SPOCK1: variants seen among roughly 807,000 people sequenced by gnomAD.
The protein encoded by SPOCK1 is testican-1.
A neutral mutation model predicts 55.3 loss-of-function variants in SPOCK1; 23 were observed. The ratio of observed to expected loss-of-function variants is 0.42; its 90% CI spans 0.30 to 0.59. The LOEUF (loss-of-function observed/expected upper bound fraction) is 0.59, where lower values mean the gene tolerates loss of function less well. Ranked by LOEUF, SPOCK1 falls within the 20% of genes least tolerant of loss-of-function variation. The pLI is 0.22. For synonymous variants in SPOCK1, 226 were observed against 221.0 expected, an observed-to-expected ratio of 1.02 and a Z score of -0.20; for missense variants, 499 against 552.5, an observed-to-expected ratio of 0.90 and a Z score of 0.97.
intron 4 of SPOCK1, among the ~76,000 whole-genome samples, chr5:137,138,442 G>T (rs973780398): frequency 2.0e-5 from 3 of 151,170 alleles, no homozygotes; most frequent in Admixed American, 6.6e-5. Context: ...TTCCAGAAAG[G>T]GCTATATCCT....
intron 2 of SPOCK1, among the ~76,000 whole-genome samples, chr5:137,416,615 G>A (rs1239957900): frequency 2.0e-5 from 3 of 152,086 alleles, no homozygotes; most frequent in African/African-American, 7.2e-5. Flanking sequence ...AAGATACAGT[G>A]GAGGATGTAA....
chr5:137,068,557 A>C (rs1195738011), intron 5 of SPOCK1, among the ~76,000 whole-genome samples: 1 of 152,196 alleles, frequency 6.6e-6, no homozygotes, highest in Non-Finnish European at 1.5e-5. Context: ...TTTACTCTAA[A>C]GTCTCAATGA....
intron 6 of SPOCK1, among the ~76,000 whole-genome samples, chr5:137,006,922 G>C (rs545247219): frequency 6.6e-6 from 1 of 152,216 alleles, no homozygotes; most frequent in East Asian, 1.9e-4. Context: ...GTTGAATTTT[G>C]CCGAAGGCCT....
At chr5:137,368,828 G>A (rs1003888279) in intron 2 of SPOCK1, among the ~76,000 whole-genome samples, 5 of 152,116 alleles carry the variant, frequency 3.3e-5, no homozygotes, top group Non-Finnish European at 5.9e-5. Flanking sequence ...CATGTGGTCC[G>A]CTCCCTTATT....
intron 2 of SPOCK1, among the ~76,000 whole-genome samples, chr5:137,331,950 T>C (rs1192405447): frequency 6.6e-6 from 1 of 152,150 alleles, no homozygotes; most frequent in Admixed American, 6.5e-5. Flanking sequence ...CTTGTTGAAA[T>C]AGAGCCATTA....
At chr5:137,131,971 C>CAAAAAAAAAAA (rs1156253291) in intron 4 of SPOCK1, among the ~76,000 whole-genome samples, 3 of 12,728 alleles carry the variant, frequency 2.4e-4, no homozygotes, top group East Asian at 1.6e-3. Flanking sequence ...GACTCCGTCT[C>CAAAAAAAAAAA]AAAAAAAAAA....
At position 137,406,699 on chromosome 5, in the gene SPOCK1, G is replaced by A. The variant is rs140282351; in HGVS notation, c.186+91674C>T. ...CCCTCAGAGGGAGGTTCTATGGATA[G>A]CTCTAGTTAGGGGCCAAGAACACAC... On this transcript the variant is annotated intron_variant, in intron 2 of 10. Transcript: ENST00000394945. Among the ~76,000 whole-genome samples the A allele has an allele frequency of 4.6e-3, 705 of 152,268 alleles. 3 individuals are homozygous for A. Among genetic ancestry groups the A allele is most frequent in the South Asian group, 0.02 (96 of 4,820 alleles).
intron 2 of SPOCK1, among the ~76,000 whole-genome samples, chr5:137,416,998 T>G (rs1043330875): frequency 6.6e-6 from 1 of 152,178 alleles, no homozygotes; most frequent in Non-Finnish European, 1.5e-5. Flanking sequence ...TGTGAAGTTG[T>G]AATATTTCTT....
chr5:137,198,917 C>T (rs1340949777), intron 3 of SPOCK1, among the ~76,000 whole-genome samples: 1 of 152,178 alleles, frequency 6.6e-6, no homozygotes, highest in African/African-American at 2.4e-5. Flanking sequence ...TGGAATGCTA[C>T]GTTAAAGCAT....
intron 2 of SPOCK1, among the ~76,000 whole-genome samples, chr5:137,422,824 G>T (rs998219696): frequency 6.6e-6 from 1 of 152,188 alleles, no homozygotes; most frequent in Non-Finnish European, 1.5e-5. Context: ...TCTGTTGCTG[G>T]TGAGGAGCTG....
intron 2 of SPOCK1, among the ~76,000 whole-genome samples, chr5:137,367,972 C>A (rs903883086): frequency 6.6e-6 from 1 of 152,234 alleles, no homozygotes; most frequent in East Asian, 1.9e-4. Context: ...GCTCTCCACA[C>A]CAGGCTTCCT....
chr5:137,018,328 A>G (rs1007967416), intron 6 of SPOCK1, among the ~76,000 whole-genome samples: 3 of 152,222 alleles, frequency 2.0e-5, no homozygotes, highest in African/African-American at 7.2e-5. Context: ...AAGTGGACAC[A>G]GGTCTAAACC....
chr5:137,161,857 T>G (rs1754563972), intron 3 of SPOCK1, among the ~76,000 whole-genome samples: 1 of 152,184 alleles, frequency 6.6e-6, no homozygotes. Flanking sequence ...AGCTATCCAA[T>G]TTCCATTACG....
At chr5:137,142,408 T>C (rs1330359112) in intron 3 of SPOCK1, among the ~76,000 whole-genome samples, 1 of 152,126 alleles carries the variant, frequency 6.6e-6, no homozygotes, top group Admixed American at 6.5e-5. Flanking sequence ...CCAAAAGCAT[T>C]TCTGCTACTT....
chr5:137,038,008 C>T (rs923591575), intron 6 of SPOCK1, among the ~76,000 whole-genome samples: 2 of 152,192 alleles, frequency 1.3e-5, no homozygotes, highest in South Asian at 2.1e-4. Context: ...GACCTTTCTA[C>T]CTAACTGCAA....
intron 6 of SPOCK1, among the ~76,000 whole-genome samples, chr5:137,017,704 T>C (rs1751474498): frequency 6.6e-6 from 1 of 152,126 alleles, no homozygotes; most frequent in African/African-American, 2.4e-5. Flanking sequence ...TCATTGTAAG[T>C]TTTACAGGGA....
intron 2 of SPOCK1, among the ~76,000 whole-genome samples, chr5:137,301,939 C>T (rs1234868930): frequency 1.3e-5 from 2 of 152,092 alleles, no homozygotes; most frequent in Non-Finnish European, 2.9e-5. Context: ...TGACTGACAT[C>T]CACGAGCCCA....
At chr5:137,452,545 AT>A (rs1753276658) in intron 2 of SPOCK1, among the ~76,000 whole-genome samples, 1 of 152,226 alleles carries the variant, frequency 6.6e-6, no homozygotes, top group African/African-American at 2.4e-5. Context: ...CATCTTTTTA[AT>A]TTGAATGTGT....
chr5:137,197,679 T>C (rs577989785), intron 3 of SPOCK1, among the ~76,000 whole-genome samples: 1 of 152,320 alleles, frequency 6.6e-6, no homozygotes, highest in African/African-American at 2.4e-5. Context: ...ACATTTTAAT[T>C]GAGACGTAAT....
Sources: allele counts gnomAD v4.1 joint callset (sites outside exome capture counted in the v4.1 genomes callset), GRCh38; gene constraint gnomAD v4.1.1; transcripts MANE v1.5; gene names NCBI Gene and HGNC (gene_info 2026-07-23, HGNC 2026-07-21).